Variants in NPAS2 observed in about 807,000 individuals in gnomAD.
NPAS2 encodes neuronal PAS domain-containing protein 2.
Under a neutral mutation model 107.5 loss-of-function variants are expected in NPAS2, and 23 were observed. The ratio of observed to expected loss-of-function variants is 0.21; its 90% CI spans 0.15 to 0.30. The LOEUF is 0.30. Among genes scored for constraint, NPAS2 ranks in the 10% least tolerant of loss-of-function variants. NPAS2 has a pLI of 1.00. For synonymous variants in NPAS2, 403 were observed against 417.5 expected (o/e 0.97, Z 0.42); for missense variants, 756 against 1,043.3 (o/e 0.72, Z 3.79).
chr2:100,883,039 C>T (rs1680470449), intron 1 of NPAS2, among the ~76,000 whole-genome samples: 1 of 152,196 alleles, frequency 6.6e-6, no homozygotes, highest in African/African-American at 2.4e-5. Context: ...CACTTGAAAT[C>T]ACTTGTGTCC....
At chr2:100,893,987 C>T (rs939714266) in intron 1 of NPAS2, among the ~76,000 whole-genome samples, 3 of 152,176 alleles carry the variant, frequency 2.0e-5, no homozygotes, top group African/African-American at 4.8e-5. Context: ...CTGCTAGTCC[C>T]TGGGGGAGAC....
chr2:100,919,294 C>T (rs356644), intron 2 of NPAS2, among the ~76,000 whole-genome samples: 77,098 of 152,010 alleles, frequency 0.51, 20,020 homozygotes, highest in Admixed American at 0.64. Flanking sequence ...CGGTTGCATA[C>T]CTTTATACAT....
At chr2:100,937,697 C>CA in intron 4 of NPAS2, 56 bp from the exon 5 acceptor site, 1 of 1,204,380 alleles carries the variant, frequency 8.3e-7, no homozygotes, top group South Asian at 1.2e-5. Context: ...GCATCAGTGA[C>CA]ATGCTCCTCC....
intron 12 of NPAS2, 69 bp from the exon 13 acceptor site, chr2:100,974,734 C>A: frequency 6.5e-7 from 1 of 1,533,556 alleles, no homozygotes; most frequent in Non-Finnish European, 8.8e-7. Flanking sequence ...ATATTTAGAA[C>A]TAAAGTCACG....
chr2:100,850,366 G>C (rs1052415971), intron 1 of NPAS2, among the ~76,000 whole-genome samples: 1 of 152,146 alleles, frequency 6.6e-6, no homozygotes, highest in East Asian at 1.9e-4. Flanking sequence ...GCCTCCAAAG[G>C]TTGGGATCCT....
intron 14 of NPAS2, 101 bp from the exon 15 acceptor site, chr2:100,977,609 C>A: frequency 1.0e-6 from 1 of 958,460 alleles, no homozygotes; most frequent in South Asian, 1.4e-5. Context: ...GAGCTGTTCA[C>A]CCCAGTGCGG....
rs1278704938 is a variant in NPAS2 at position 100,937,855 on chromosome 2, TC to T, written c.363+15del. ...TGGGCATTTACCGGTGAGTTTCCACTCCAATGGCCTTTACCGGTTCACGTTA... is the reference window on the plus strand; with the variant it reads ...TGGGCATTTACCGGTGAGTTTCCACTCAATGGCCTTTACCGGTTCACGTTA... On this transcript the variant is annotated intron_variant, in intron 5 of 20. Transcript: ENST00000335681. The T allele has an allele frequency of 6.4e-7, 1 of 1,570,020 alleles. No individual in the cohort carries two copies. The highest frequency in any genetic ancestry group is 1.3e-5 in the African/African-American group (1 of 74,144).
intron 3 of NPAS2, among the ~76,000 whole-genome samples, chr2:100,926,497 G>GCA (rs1215790052): frequency 5.9e-5 from 9 of 152,144 alleles, no homozygotes; most frequent in Non-Finnish European, 1.3e-4. Flanking sequence ...GGTATGAAGT[G>GCA]ATATCTTATG....
At chr2:100,830,068 G>A (rs1487506337) in intron 1 of NPAS2, among the ~76,000 whole-genome samples, 2 of 152,262 alleles carry the variant, frequency 1.3e-5, no homozygotes, top group East Asian at 3.9e-4. Flanking sequence ...ACTTCCTGGG[G>A]ACATCATGAG....
intron 4 of NPAS2, among the ~76,000 whole-genome samples, chr2:100,936,991 A>AC (rs1300518052): frequency 2.0e-5 from 3 of 151,780 alleles, no homozygotes; most frequent in Admixed American, 2.0e-4. Flanking sequence ...AAAAAAAAAA[A>AC]AAAAAAAAAA....
intron 1 of NPAS2, among the ~76,000 whole-genome samples, chr2:100,832,546 T>G (rs1354810883): frequency 6.6e-6 from 1 of 152,164 alleles, no homozygotes; most frequent in Non-Finnish European, 1.5e-5. Context: ...TTGTACTGTT[T>G]GGTATATACA....
intron 16 of NPAS2, chr2:100,987,336 C>T (rs1453382947): frequency 6.6e-6 from 1 of 152,200 alleles, no homozygotes; most frequent in Non-Finnish European, 1.5e-5. Context: ...TTAAAACCAC[C>T]AAGCTAATAT....
Position 100,939,407 on chromosome 2 carries a change from G to GCCA in NPAS2, c.363+1565_363+1566insCCA, listed in dbSNP as rs1674444536. 6.6e-5 allele frequency among the ~76,000 whole-genome samples: 10 copies of GCCA among 152,272 alleles called. 1 individual carries two copies. The highest frequency in any genetic ancestry group is 6.2e-4 in the South Asian group (3 of 4,828). ...TCTCTCCTCTTGATAGCCATCAGAAGTGGCTCATCCTCACTCGGCCTGAAG... is the reference window on the plus strand; with the variant it reads ...TCTCTCCTCTTGATAGCCATCAGAAGCCATGGCTCATCCTCACTCGGCCTGAAG... On this transcript the variant is annotated intron_variant, in intron 5 of 20. Transcript: ENST00000335681.
At chr2:100,876,163 T>C (rs1679953806) in intron 1 of NPAS2, among the ~76,000 whole-genome samples, 1 of 152,198 alleles carries the variant, frequency 6.6e-6, no homozygotes, top group Admixed American at 6.5e-5. Flanking sequence ...CCTCTCTGGT[T>C]CTGTTCCTCT....
intron 1 of NPAS2, among the ~76,000 whole-genome samples, chr2:100,842,951 T>A (rs985808028): frequency 1.3e-5 from 2 of 152,178 alleles, no homozygotes; most frequent in Non-Finnish European, 2.9e-5. Context: ...CCAGGTGTGG[T>A]GGCTCATGCC....
At position 100,964,832 on chromosome 2, in the gene NPAS2, C is replaced by CTTT. The variant is rs34961878; in HGVS notation, c.718-18_718-16dup. The CTTT allele has an allele frequency of 7.7e-3, 9,464 of 1,223,058 alleles. 5 individuals are homozygous for CTTT. Among genetic ancestry groups the CTTT allele is most frequent in the East Asian group, 0.047 (1,754 of 37,510 alleles). The allele number at this position is 1,223,058 out of a possible 1,614,324, so 75.8% of individuals were successfully genotyped here. ...GGGTGAGCATCTGGCACCCAAGCAA[C>CTTT]TTTTTTTTTTTTTCTGCTTCCAATA... On this transcript the variant is annotated intron_variant, in intron 8 of 20. Transcript: ENST00000335681.
At chr2:100,892,423 T>C (rs565102836) in intron 1 of NPAS2, among the ~76,000 whole-genome samples, 1 of 151,988 alleles carries the variant, frequency 6.6e-6, no homozygotes, top group South Asian at 2.1e-4. Context: ...TTCAGCTTGG[T>C]TTTTTAGACA....
intron 3 of NPAS2, among the ~76,000 whole-genome samples, chr2:100,931,559 T>C (rs963095757): frequency 6.8e-6 from 1 of 147,280 alleles, no homozygotes; most frequent in African/African-American, 2.5e-5. Flanking sequence ...CGATCTTGGC[T>C]CACTGCAAGC....
In NPAS2 at chr2:100,977,770, C is replaced by T; in HGVS notation, c.1453C>T (p.Leu485=). The change falls in exon 15 of 21, where the codon CTG becomes TTG. Residue 485 remains leucine (L), a synonymous_variant. Transcript: ENST00000335681. The part of the protein sequence containing the change: ...LTQQLLPQTV[L]QSTPAPMAQF... ...ACAGCAGCTCCTGCCTCAGACCGTT[C>T]TGCAGAGCACGCCCGCTCCCATGGC... 1 of 1,614,204 alleles carries T rather than the reference C, an allele frequency of 6.2e-7. No homozygotes were observed. Among genetic ancestry groups the T allele is most frequent in the Non-Finnish European group, 8.5e-7 (1 of 1,180,046 alleles).
Sources: allele counts gnomAD v4.1 joint callset (sites outside exome capture counted in the v4.1 genomes callset), GRCh38; gene constraint gnomAD v4.1.1; transcripts MANE v1.5; gene names NCBI Gene and HGNC (gene_info 2026-07-23, HGNC 2026-07-21).